The following STK39 variants were observed in gnomAD, a reference collection of about 807,000 sequenced individuals.
STK39 encodes the protein serine/threonine kinase 39.
Under a neutral mutation model 77.8 loss-of-function variants are expected in STK39, and 20 were observed. The ratio of observed to expected loss-of-function variants is 0.26; its 90% confidence interval spans 0.18 to 0.37. The LOEUF is 0.37. Ranked by LOEUF, STK39 falls within the 10% of genes least tolerant of loss-of-function variation. The pLI, the probability that STK39 is intolerant of heterozygous loss-of-function variation, is 1.00. For missense variants in STK39, 479 were observed against 656.5 expected, an observed-to-expected ratio of 0.73 and a Z score of 2.95; for synonymous variants, 246 against 234.1, an observed-to-expected ratio of 1.05 and a Z score of -0.47.
At chr2:168,238,657 T>C (rs1209457370) in intron 1 of STK39, among the ~76,000 whole-genome samples, 1 of 152,256 alleles carries the variant, frequency 6.6e-6, no homozygotes, top group East Asian at 1.9e-4. Flanking sequence ...AAACATATCA[T>C]TTACTCACAT....
chr2:168,155,504 T>C (rs1303611635), intron 5 of STK39, among the ~76,000 whole-genome samples: 1 of 152,170 alleles, frequency 6.6e-6, no homozygotes, highest in Non-Finnish European at 1.5e-5. Context: ...ATTCACATAG[T>C]TATAAACTGT....
intron 14 of STK39, among the ~76,000 whole-genome samples, chr2:168,042,208 T>C (rs1685123677): frequency 6.6e-6 from 1 of 152,228 alleles, no homozygotes. Context: ...CTTCACCTAC[T>C]TTATGCTTTC....
chr2:168,181,652 C>A (rs1456926820), intron 2 of STK39, among the ~76,000 whole-genome samples: 1 of 152,154 alleles, frequency 6.6e-6, no homozygotes, highest in Non-Finnish European at 1.5e-5. Flanking sequence ...TCCAAAACTG[C>A]AGTCAGTAAT....
chr2:168,138,389 C>A (rs1467837740), intron 7 of STK39, among the ~76,000 whole-genome samples, 168 bp from the exon 8 acceptor site: 1 of 152,236 alleles, frequency 6.6e-6, no homozygotes, highest in African/African-American at 2.4e-5. Context: ...ATTACCACTG[C>A]AAATGTGTTC....
At chr2:168,037,368 C>A (rs1684983908) in intron 14 of STK39, among the ~76,000 whole-genome samples, 4 of 152,196 alleles carry the variant, frequency 2.6e-5, no homozygotes, top group African/African-American at 9.7e-5. Flanking sequence ...TTGATACTAG[C>A]TTTTGAGAGA....
At chr2:167,989,738 A>G (rs1468983270) in intron 16 of STK39, among the ~76,000 whole-genome samples, 1 of 152,222 alleles carries the variant, frequency 6.6e-6, no homozygotes. Flanking sequence ...ACTTAGTCCA[A>G]TTAAGTGTTA....
At chr2:168,237,635 T>C (rs1186367851) in intron 1 of STK39, among the ~76,000 whole-genome samples, 5 of 152,186 alleles carry the variant, frequency 3.3e-5, no homozygotes, top group African/African-American at 1.2e-4. Context: ...ACCTAATTTA[T>C]TGAGAGTTTT....
At chr2:168,178,458 G>T (rs1689006466) in intron 2 of STK39, among the ~76,000 whole-genome samples, 1 of 152,144 alleles carries the variant, frequency 6.6e-6, no homozygotes, top group African/African-American at 2.4e-5. Flanking sequence ...TAATCTAATT[G>T]CTGTTAAACT....
intron 5 of STK39, among the ~76,000 whole-genome samples, chr2:168,147,837 G>A (rs150665728): frequency 0.011 from 1,658 of 152,240 alleles, 21 homozygotes; most frequent in South Asian, 0.037. Flanking sequence ...CCTTTCACCC[G>A]ATTTTCTTGG....
At chr2:168,087,505 C>T (rs2105427155) in intron 10 of STK39, among the ~76,000 whole-genome samples, 1 of 152,344 alleles carries the variant, frequency 6.6e-6, no homozygotes, top group Admixed American at 6.5e-5. Flanking sequence ...CGTGGAAAAG[C>T]TTTCAGAGCT....
chr2:167,973,282 G>C (rs573392854), intron 16 of STK39, among the ~76,000 whole-genome samples: 1 of 152,308 alleles, frequency 6.6e-6, no homozygotes, highest in Non-Finnish European at 1.5e-5. Flanking sequence ...TATTAGGTTT[G>C]CTAAATGCTT....
Position 167,979,686 on chromosome 2 carries a change from A to G in STK39, c.1499-14960T>C, listed in dbSNP as rs138496667. ...AAACATACATAGAGGCATCAGGCAT[A>G]GCTCCAGCAGCATCATTCTGCATCT... On this transcript the variant is annotated intron_variant, in intron 16 of 17. Coordinates refer to ENST00000355999, the MANE Select transcript of STK39 (RefSeq NM_013233.3). Among the ~76,000 whole-genome samples, 425 of 152,364 alleles carry G rather than the reference A, an allele frequency of 2.8e-3. 2 individuals carry two copies. Among genetic ancestry groups the G allele is most frequent in the African/African-American group, 9.8e-3 (406 of 41,586 alleles).
At chr2:168,055,742 C>T (rs887225422) in intron 14 of STK39, among the ~76,000 whole-genome samples, 2 of 152,240 alleles carry the variant, frequency 1.3e-5, no homozygotes, top group Non-Finnish European at 2.9e-5. Context: ...TTTTCCAAAT[C>T]ACTGAGCCTG....
intron 10 of STK39, among the ~76,000 whole-genome samples, chr2:168,100,349 T>C (rs1257952840): frequency 6.6e-6 from 1 of 152,202 alleles, no homozygotes; most frequent in East Asian, 1.9e-4. Flanking sequence ...ATCTGGGTTC[T>C]AGTTTAGCCA....
intron 1 of STK39, among the ~76,000 whole-genome samples, chr2:168,213,828 T>C (rs1689955977): frequency 1.3e-5 from 2 of 152,348 alleles, no homozygotes; most frequent in East Asian, 1.9e-4. Context: ...AATGAATATA[T>C]ATGACTTTAG....
At chr2:168,013,705 G>C (rs1232940278) in intron 15 of STK39, among the ~76,000 whole-genome samples, 1 of 152,106 alleles carries the variant, frequency 6.6e-6, no homozygotes, top group Non-Finnish European at 1.5e-5. Context: ...ACGAAATTGC[G>C]GTTTGTGACA....
At chr2:168,173,391 T>C (rs939728302) in intron 2 of STK39, among the ~76,000 whole-genome samples, 1 of 152,170 alleles carries the variant, frequency 6.6e-6, no homozygotes, top group Non-Finnish European at 1.5e-5. Flanking sequence ...AATAACCGAA[T>C]ACTGTTAAGT....
intron 1 of STK39, among the ~76,000 whole-genome samples, chr2:168,186,734 G>A (rs1303911709): frequency 1.3e-5 from 2 of 152,102 alleles, no homozygotes; most frequent in Admixed American, 6.5e-5. Flanking sequence ...CTCTCTCTCT[G>A]GGACTCATTT....
chr2:168,000,579 G>A (rs897575502), intron 16 of STK39, among the ~76,000 whole-genome samples: 4 of 152,146 alleles, frequency 2.6e-5, no homozygotes, highest in Non-Finnish European at 4.4e-5. Flanking sequence ...ACAAATACAA[G>A]AATTAGAGGC....
Sources: gnomAD v4.1 joint callset for allele counts (sites outside exome capture counted in the v4.1 genomes callset) on GRCh38, gnomAD v4.1.1 for gene constraint, MANE v1.5 for transcripts, NCBI Gene and HGNC (gene_info 2026-07-23, HGNC 2026-07-21) for gene names.